The following MACROD1 variants were observed in gnomAD, a reference collection of about 807,000 sequenced individuals.
The protein encoded by MACROD1 is mono-ADP ribosylhydrolase 1.
Under a neutral mutation model 41.4 loss-of-function variants are expected in MACROD1, and 31 were observed. The observed-to-expected ratio is 0.75, with a 90% CI of 0.56 to 1.01. The LOEUF (loss-of-function observed/expected upper bound fraction) is 1.01. MACROD1 is among the 50% of genes least tolerant of loss of function. The probability of loss-of-function intolerance (pLI) is 0.00; values close to 1 mark genes in which losing one functional copy is unlikely to be tolerated. For synonymous variants in MACROD1, 252 were observed against 203.4 expected (o/e 1.24, Z -2.03); for missense variants, 473 against 460.0 (o/e 1.03, Z -0.26).
At chr11:64,061,066 C>A (rs981844995) in intron 3 of MACROD1, among the ~76,000 whole-genome samples, 10 of 152,164 alleles carry the variant, frequency 6.6e-5, no homozygotes, top group African/African-American at 2.4e-4. Flanking sequence ...GGCTTGGCGT[C>A]CCCCCCACTC....
intron 1 of MACROD1, among the ~76,000 whole-genome samples, chr11:64,157,092 GT>G (rs565101564): frequency 4.7e-5 from 7 of 149,936 alleles, no homozygotes; most frequent in South Asian, 4.2e-4. Context: ...GCATTTCTGT[GT>G]TTTTTTTTTA....
intron 8 of MACROD1, 126 bp from the exon 9 acceptor site, chr11:63,999,162 G>T: frequency 7.7e-7 from 1 of 1,305,972 alleles, no homozygotes; most frequent in Non-Finnish European, 1.0e-6. Context: ...TCACGGCTGT[G>T]TGCCATCACC....
intron 4 of MACROD1, among the ~76,000 whole-genome samples, chr11:64,013,408 C>G (rs1207451632): frequency 6.6e-6 from 1 of 152,216 alleles, no homozygotes; most frequent in African/African-American, 2.4e-5. Context: ...ACAACTGGAG[C>G]AAGGGCATTG....
chr11:64,129,909 A>T (rs1439600969), intron 3 of MACROD1, among the ~76,000 whole-genome samples: 1 of 152,138 alleles, frequency 6.6e-6, no homozygotes, highest in Non-Finnish European at 1.5e-5. Flanking sequence ...CCCTCCAAAC[A>T]TAACCTGTTC....
chr11:64,125,127 G>A (rs1275143913), intron 3 of MACROD1, among the ~76,000 whole-genome samples: 7 of 148,610 alleles, frequency 4.7e-5, no homozygotes, highest in South Asian at 2.1e-4. Context: ...TGAAATGCCC[G>A]GCCTGTGCCA....
At position 64,146,398 on chromosome 11, in the gene MACROD1, C is replaced by T. The variant is rs1222530864; in HGVS notation, c.517+4841G>A. On this transcript the variant is annotated intron_variant, in intron 3 of 10. Transcript: ENST00000255681. This position sits in a 1 kb window ranked among gnomAD's most constrained non-coding sequence, Gnocchi z 4.7. ...CGGGGGCTCCCTGGCTTATCTCCTG[C>T]ACATGGCAGCCCAATTTCATTAAGA... is the stretch of plus-strand genomic sequence containing the variant. 1.3e-5 allele frequency among the ~76,000 whole-genome samples: 2 copies of T among 152,206 alleles called. No homozygotes were observed. The highest frequency in any genetic ancestry group is 6.5e-5 in the Admixed American group (1 of 15,276).
intron 3 of MACROD1, among the ~76,000 whole-genome samples, chr11:64,127,197 T>C (rs1319882855): frequency 6.6e-6 from 1 of 152,280 alleles, no homozygotes; most frequent in Non-Finnish European, 1.5e-5. Context: ...ATTAACTACT[T>C]GGTCCTATTT....
At chr11:64,129,427 T>C (rs146242541) in intron 3 of MACROD1, among the ~76,000 whole-genome samples, 96 of 152,338 alleles carry the variant, frequency 6.3e-4, no homozygotes, top group African/African-American at 2.1e-3. Context: ...GCACCAACCC[T>C]ACGGCTGTGA....
intron 3 of MACROD1, among the ~76,000 whole-genome samples, chr11:64,110,747 C>T (rs565572347): frequency 2.6e-5 from 4 of 152,272 alleles, no homozygotes; most frequent in Non-Finnish European, 4.4e-5. Flanking sequence ...CACGCAAGGG[C>T]GACAAGCGAT....
At chr11:63,999,111 G>T (rs992495945) in intron 8 of MACROD1, 75 bp from the exon 9 acceptor site, 38 of 1,444,746 alleles carry the variant, frequency 2.6e-5, no homozygotes, top group Non-Finnish European at 3.1e-5. Context: ...CTGCCCTGGT[G>T]CAGGCTTTCA....
chr11:64,033,098 C>T (rs934427834), intron 3 of MACROD1, among the ~76,000 whole-genome samples: 1 of 152,240 alleles, frequency 6.6e-6, no homozygotes, highest in African/African-American at 2.4e-5. Context: ...AAGCTGATGT[C>T]AAAATCGACT....
intron 3 of MACROD1, among the ~76,000 whole-genome samples, chr11:64,053,185 T>A (rs1021398094): frequency 6.6e-6 from 1 of 152,066 alleles, no homozygotes; most frequent in Non-Finnish European, 1.5e-5. Context: ...CTTGGGGCCC[T>A]GGGGTGGGCG....
In MACROD1 at chr11:64,113,417, CATGGATGG is replaced by C. The variant is rs71045732; in HGVS notation, c.517+37814_517+37821del. Among the ~76,000 whole-genome samples, 143 of 144,822 alleles carry C rather than the reference CATGGATGG, an allele frequency of 9.9e-4. 1 individual carries two copies. Among genetic ancestry groups the C allele is most frequent in the Non-Finnish European group, 1.5e-3 (100 of 65,692 alleles). Reference sequence around the variant, plus strand: ...GCATGTGTGAATGGACAGGTTGATGCATGGATGGATGGATGGATGGATGGATGGATGGA... The same window carrying C: ...GCATGTGTGAATGGACAGGTTGATGCATGGATGGATGGATGGATGGATGGA... On this transcript the variant is annotated intron_variant, in intron 3 of 10. Coordinates refer to ENST00000255681, the MANE Select transcript of MACROD1 (RefSeq NM_014067.4).
intron 3 of MACROD1, among the ~76,000 whole-genome samples, chr11:64,112,104 A>G (rs1944873190): frequency 6.6e-6 from 1 of 152,244 alleles, no homozygotes; most frequent in African/African-American, 2.4e-5. Context: ...GAACGAGTCC[A>G]TCACAGTTTC....
intron 3 of MACROD1, among the ~76,000 whole-genome samples, chr11:64,128,024 T>C (rs1289883932): frequency 6.6e-6 from 1 of 152,208 alleles, no homozygotes; most frequent in Non-Finnish European, 1.5e-5. Flanking sequence ...GGGTTTTTCC[T>C]TATATTCCAA....
chr11:64,062,613 G>GCA (rs1943925605), intron 3 of MACROD1, among the ~76,000 whole-genome samples: 8 of 148,478 alleles, frequency 5.4e-5, no homozygotes, highest in Non-Finnish European at 7.4e-5. Context: ...TGGGCGCTGG[G>GCA]GATGGAGCAG....
intron 3 of MACROD1, among the ~76,000 whole-genome samples, chr11:64,058,760 G>T (rs1199569663): frequency 6.6e-6 from 1 of 152,246 alleles, no homozygotes; most frequent in Non-Finnish European, 1.5e-5. Context: ...AGCTTCTAGG[G>T]TGGCCAGACG....
chr11:64,057,108 T>C (rs1381228691), intron 3 of MACROD1, among the ~76,000 whole-genome samples: 1 of 152,148 alleles, frequency 6.6e-6, no homozygotes, highest in Admixed American at 6.5e-5. Context: ...GGGCTTCCTG[T>C]GTGTTCATCG....
intron 3 of MACROD1, among the ~76,000 whole-genome samples, chr11:64,091,669 T>G (rs938137458): frequency 2.6e-5 from 4 of 152,092 alleles, no homozygotes; most frequent in African/African-American, 9.7e-5. Flanking sequence ...CAGAAGACAC[T>G]CGGCCCAAGG....
Sources: allele counts gnomAD v4.1 joint callset (sites outside exome capture counted in the v4.1 genomes callset), GRCh38; gene constraint gnomAD v4.1.1; non-coding constraint Gnocchi (gnomAD v3.1); transcripts MANE v1.5; gene names NCBI Gene and HGNC (gene_info 2026-07-23, HGNC 2026-07-21).